The following PRKAR1A variants were observed in gnomAD, a reference collection of about 807,000 sequenced individuals.
PRKAR1A encodes cAMP-dependent protein kinase type I-alpha regulatory subunit.
Under a neutral mutation model 52.0 loss-of-function variants are expected in PRKAR1A, and 3 were observed. The ratio of observed to expected loss-of-function variants is 0.06; its 90% CI spans 0.03 to 0.15. The LOEUF is 0.15. Among genes scored for constraint, PRKAR1A ranks in the 10% least tolerant of loss-of-function variants. The probability of loss-of-function intolerance (pLI) is 1.00; values close to 1 mark genes in which losing one functional copy is unlikely to be tolerated. For missense variants in PRKAR1A, 240 were observed against 477.4 expected (o/e 0.50, Z 4.63); for synonymous variants, 188 against 168.4 (o/e 1.12, Z -0.90).
the PRKAR1A span, among the ~76,000 whole-genome samples, chr17:68,506,221 T>G: frequency 1.7e-3 from 254 of 151,450 alleles, 2 homozygotes; most frequent in African/African-American, 5.8e-3. Flanking sequence ...TCACACCATC[T>G]TCCATCTTAT....
the PRKAR1A span, chr17:68,420,194 G>A: frequency 1.2e-6 from 2 of 1,613,916 alleles, no homozygotes; most frequent in Admixed American, 3.3e-5. Context: ...TCTAGGTGGA[G>A]CCAGGGCGTG....
the PRKAR1A span, among the ~76,000 whole-genome samples, chr17:68,423,061 C>G: frequency 6.6e-6 from 1 of 152,134 alleles, no homozygotes; most frequent in African/African-American, 2.4e-5. This position sits in a 1 kb window ranked among gnomAD's most constrained non-coding sequence, Gnocchi z 4.4. Context: ...TCACAGAGCT[C>G]CTGTAGCAGA....
At chr17:68,429,658 G>A in the PRKAR1A span, among the ~76,000 whole-genome samples, 8 of 151,930 alleles carry the variant, frequency 5.3e-5, no homozygotes, top group Non-Finnish European at 8.8e-5. Context: ...GCATGATCTC[G>A]GCTCACTGCA....
At chr17:68,453,092 T>A in the PRKAR1A span, 1 of 875,630 alleles carries the variant, frequency 1.1e-6, no homozygotes, top group Non-Finnish European at 1.9e-6. Context: ...AGGGGTACAG[T>A]AAACAAGCAT....
the PRKAR1A span, among the ~76,000 whole-genome samples, chr17:68,493,479 C>T: frequency 1.3e-5 from 2 of 152,272 alleles, no homozygotes; most frequent in African/African-American, 4.8e-5. Flanking sequence ...CGTGTTCTTA[C>T]TTTTTTGCAG....
the PRKAR1A span, among the ~76,000 whole-genome samples, chr17:68,415,279 C>G: frequency 2.6e-5 from 4 of 152,092 alleles, no homozygotes; most frequent in African/African-American, 9.7e-5. Context: ...ATTTTTGACT[C>G]AATGATCATT....
intron 11 of PRKAR1A, chr17:68,539,902 G>A (rs775704343): frequency 9.9e-6 from 16 of 1,614,170 alleles, no homozygotes; most frequent in Non-Finnish European, 1.4e-5. Context: ...CGTTGTCAAG[G>A]TGAATAAGGA....
At chr17:68,437,034 GTGTATA>G in the PRKAR1A span, among the ~76,000 whole-genome samples, 8 of 150,630 alleles carry the variant, frequency 5.3e-5, no homozygotes, top group African/African-American at 1.5e-4. Context: ...GTGTGTGTGT[GTGTATA>G]TATTGCTCAT....
chr17:68,507,296 C>T (rs1472349433), upstream of PRKAR1A, among the ~76,000 whole-genome samples: 1 of 152,198 alleles, frequency 6.6e-6, no homozygotes, highest in African/African-American at 2.4e-5. Flanking sequence ...GGTACATATA[C>T]ACTGTGGAAT....
intron 11 of PRKAR1A, among the ~76,000 whole-genome samples, chr17:68,548,420 T>C (rs2086668257): frequency 6.6e-6 from 1 of 151,930 alleles, no homozygotes; most frequent in Admixed American, 6.6e-5. Flanking sequence ...GTCCCAGCTA[T>C]TTGGAAGGCT....
At chr17:68,420,356 C>T in the PRKAR1A span, 1 of 1,614,160 alleles carries the variant, frequency 6.2e-7, no homozygotes, top group South Asian at 1.1e-5. Flanking sequence ...AGACGTCCTC[C>T]AAGACATTGC....
the PRKAR1A span, among the ~76,000 whole-genome samples, chr17:68,487,870 T>A: frequency 2.6e-5 from 4 of 151,214 alleles, no homozygotes; most frequent in Non-Finnish European, 4.4e-5. Context: ...ATTTTCTTTG[T>A]GCCAGATAGT....
chr17:68,469,262 G>C, the PRKAR1A span, among the ~76,000 whole-genome samples: 1 of 151,960 alleles, frequency 6.6e-6, no homozygotes, highest in South Asian at 2.1e-4. Flanking sequence ...CATGAACATA[G>C]TATAGATTGT....
downstream of PRKAR1A, chr17:68,535,400 G>C (rs2086071774): frequency 2.2e-6 from 1 of 453,992 alleles, no homozygotes; most frequent in African/African-American, 2.0e-5. Flanking sequence ...ATAGGAGGTG[G>C]CGGGTTTTGA....
downstream of PRKAR1A, chr17:68,537,335 T>C: frequency 9.6e-7 from 1 of 1,042,972 alleles, no homozygotes; most frequent in African/African-American, 1.6e-5. This position sits in a 1 kb window ranked among gnomAD's most constrained non-coding sequence, Gnocchi z 4.2. Flanking sequence ...GGGCCCCACT[T>C]GCTGTTTGAG....
At chr17:68,490,679 G>A in the PRKAR1A span, among the ~76,000 whole-genome samples, 6 of 151,966 alleles carry the variant, frequency 3.9e-5, no homozygotes, top group South Asian at 2.1e-4. Flanking sequence ...ATGGAGATGC[G>A]ATTACCCATC....
At chr17:68,501,144 T>G in the PRKAR1A span, among the ~76,000 whole-genome samples, 4 of 152,242 alleles carry the variant, frequency 2.6e-5, no homozygotes, top group African/African-American at 9.6e-5. Context: ...TCCAGTATCC[T>G]GCCTGAGCTG....
At chr17:68,450,691 C>T in the PRKAR1A span, 1 of 1,571,856 alleles carries the variant, frequency 6.4e-7, no homozygotes, top group Non-Finnish European at 8.6e-7. Flanking sequence ...CTCCCGTTAG[C>T]AGAAGCTTTG....
At chr17:68,501,417 G>A in the PRKAR1A span, among the ~76,000 whole-genome samples, 28 of 152,058 alleles carry the variant, frequency 1.8e-4, no homozygotes, top group African/African-American at 3.4e-4. Context: ...CTCCTATGGC[G>A]TTATAATCAA....
Sources: allele counts gnomAD v4.1 joint callset (sites outside exome capture counted in the v4.1 genomes callset), GRCh38; gene constraint gnomAD v4.1.1; non-coding constraint Gnocchi (gnomAD v3.1); transcripts MANE v1.5; gene names NCBI Gene and HGNC (gene_info 2026-07-23, HGNC 2026-07-21).